Variants in COL19A1 observed in about 807,000 individuals in gnomAD.
COL19A1 encodes the protein collagen type XIX alpha 1 chain, also known as collagen alpha-1(XIX) chain.
A neutral mutation model predicts 190.2 loss-of-function variants in COL19A1; 159 were observed. That is an observed-to-expected ratio of 0.84 (90% CI 0.73 to 0.95). The LOEUF is 0.95. Ranked by LOEUF, COL19A1 falls within the 40% of genes least tolerant of loss-of-function variation. COL19A1 has a pLI of 0.00. For synonymous variants in COL19A1, 509 were observed against 458.9 expected (o/e 1.11, Z -1.39); for missense variants, 1,418 against 1,431.9 (o/e 0.99, Z 0.16).
intron 34 of COL19A1, among the ~76,000 whole-genome samples, chr6:70,156,977 TA>T (rs1425495567): frequency 6.6e-6 from 1 of 152,116 alleles, no homozygotes; most frequent in Admixed American, 6.6e-5. Flanking sequence ...TGTTTTCATT[TA>T]ACAGATAATA....
intron 11 of COL19A1, among the ~76,000 whole-genome samples, chr6:70,006,930 T>A (rs963522263): frequency 6.6e-6 from 1 of 152,000 alleles, no homozygotes; most frequent in African/African-American, 2.4e-5. Context: ...TTTAAAAATT[T>A]CAAAAAAAGC....
chr6:70,195,163 A>ATATATATATATAT (rs1767122453), intron 48 of COL19A1, among the ~76,000 whole-genome samples: 1 of 147,116 alleles, frequency 6.8e-6, no homozygotes, highest in Non-Finnish European at 1.5e-5. Flanking sequence ...ATATATATAT[A>ATATATATATATAT]AAGAGTTAAA....
intron 11 of COL19A1, among the ~76,000 whole-genome samples, chr6:69,965,465 T>C (rs1301727883): frequency 6.6e-6 from 1 of 152,212 alleles, no homozygotes; most frequent in Non-Finnish European, 1.5e-5. Context: ...CCGAACTCAC[T>C]AGACTGACAA....
intron 2 of COL19A1, among the ~76,000 whole-genome samples, chr6:69,896,782 AT>A (rs2149968291): frequency 6.6e-6 from 1 of 152,288 alleles, no homozygotes; most frequent in South Asian, 2.1e-4. Flanking sequence ...ACATTTGGAT[AT>A]TCTCTTTTTT....
intron 11 of COL19A1, among the ~76,000 whole-genome samples, chr6:69,984,486 T>G (rs1036211857): frequency 6.6e-6 from 1 of 152,158 alleles, no homozygotes; most frequent in Non-Finnish European, 1.5e-5. Context: ...TCCTTCCTTC[T>G]AATTTTTGTC....
chr6:70,099,547 C>CGA (rs1562171803), intron 15 of COL19A1, among the ~76,000 whole-genome samples: 1 of 149,156 alleles, frequency 6.7e-6, no homozygotes, highest in East Asian at 2.0e-4. Flanking sequence ...TATTCCAAAA[C>CGA]AAAAAAAAAA....
intron 18 of COL19A1, among the ~76,000 whole-genome samples, chr6:70,137,043 C>A (rs1344276815): frequency 2.0e-5 from 3 of 150,102 alleles, no homozygotes; most frequent in Non-Finnish European, 2.9e-5. Flanking sequence ...TTAAGTATTA[C>A]TTCTCAAATT....
At position 69,868,043 on chromosome 6, in the gene COL19A1, G is replaced by A. The variant is rs149512486; in HGVS notation, c.-33+1403G>A. Among the ~76,000 whole-genome samples the A allele has an allele frequency of 9.4e-4, 143 of 151,770 alleles. 1 individual carries two copies. Among genetic ancestry groups the A allele is most frequent in the Middle Eastern group, 6.8e-3 (2 of 294 alleles). ...AAGATGTGAGGATAATCACTCTGCT[G>A]TAGGGGAATTTACATCTGCCTGTTA... On this transcript the variant is annotated intron_variant, in intron 1 of 50. Transcript: ENST00000620364.
chr6:69,994,163 A>C (rs1161764979), intron 11 of COL19A1, among the ~76,000 whole-genome samples: 1 of 152,114 alleles, frequency 6.6e-6, no homozygotes. Context: ...CTCAGGCAGC[A>C]ACTCAAAATA....
chr6:69,921,443 A>ATTCATAT, intron 4 of COL19A1, among the ~76,000 whole-genome samples: 1 of 90,034 alleles, frequency 1.1e-5, no homozygotes, highest in Non-Finnish European at 2.0e-5. Flanking sequence ...TATCATATAT[A>ATTCATAT]TCATATATCA....
At chr6:70,075,266 G>C (rs1293863384) in intron 15 of COL19A1, among the ~76,000 whole-genome samples, 1 of 152,198 alleles carries the variant, frequency 6.6e-6, no homozygotes, top group Non-Finnish European at 1.5e-5. Context: ...CACATTGTTT[G>C]AATTTACAAA....
intron 16 of COL19A1, among the ~76,000 whole-genome samples, chr6:70,120,690 C>T (rs566976613): frequency 6.6e-6 from 1 of 152,258 alleles, no homozygotes; most frequent in Non-Finnish European, 1.5e-5. Context: ...TTGTGAGGCC[C>T]ATTATTTTCT....
intron 23 of COL19A1, 65 bp from the exon 24 acceptor site, chr6:70,144,145 T>TA (rs986513805): frequency 1.6e-5 from 22 of 1,352,976 alleles, no homozygotes; most frequent in Admixed American, 3.5e-5. Flanking sequence ...GATTCACAGA[T>TA]ATAGGGAAAT....
chr6:70,032,678 A>G (rs572413380), intron 12 of COL19A1, among the ~76,000 whole-genome samples: 1 of 152,182 alleles, frequency 6.6e-6, no homozygotes, highest in Non-Finnish European at 1.5e-5. Flanking sequence ...ACAGTGTTTT[A>G]TATTCATAAT....
intron 11 of COL19A1, among the ~76,000 whole-genome samples, chr6:70,016,540 C>T (rs1778118673): frequency 6.7e-6 from 1 of 149,734 alleles, no homozygotes; most frequent in African/African-American, 2.5e-5. Flanking sequence ...GGTTACACCT[C>T]AATAAAGCTG....
chr6:69,878,145 A>G (rs1027703100), intron 1 of COL19A1, among the ~76,000 whole-genome samples: 2 of 152,152 alleles, frequency 1.3e-5, no homozygotes, highest in East Asian at 3.9e-4. Flanking sequence ...ATGCAAATCA[A>G]ATGCACAGTG....
chr6:70,004,337 A>C (rs1333356660), intron 11 of COL19A1, among the ~76,000 whole-genome samples: 2 of 152,094 alleles, frequency 1.3e-5, no homozygotes, highest in African/African-American at 4.8e-5. Context: ...GGAGAATCTG[A>C]TAATTATGTG....
chr6:70,177,796 T>C, intron 42 of COL19A1, among the ~76,000 whole-genome samples: 1 of 152,226 alleles, frequency 6.6e-6, no homozygotes, highest in Non-Finnish European at 1.5e-5. Flanking sequence ...ATTTGAATTT[T>C]TGTTTCCTTG....
At chr6:70,087,663 G>T (rs1782664908) in intron 15 of COL19A1, among the ~76,000 whole-genome samples, 1 of 152,184 alleles carries the variant, frequency 6.6e-6, no homozygotes, top group Admixed American at 6.5e-5. Context: ...TATAGATACT[G>T]ACTCCTTAGG....
Sources: gnomAD v4.1 joint callset for allele counts (sites outside exome capture counted in the v4.1 genomes callset) on GRCh38, gnomAD v4.1.1 for gene constraint, MANE v1.5 for transcripts, NCBI Gene and HGNC (gene_info 2026-07-23, HGNC 2026-07-21) for gene names.